NAPA: variants seen among roughly 807,000 people sequenced by gnomAD.
The protein encoded by NAPA is NSF attachment protein alpha.
A neutral mutation model predicts 48.0 loss-of-function variants in NAPA; 18 were observed. The observed-to-expected ratio is 0.38, with a 90% CI of 0.26 to 0.56. The LOEUF (loss-of-function observed/expected upper bound fraction) is 0.56, where lower values mean the gene tolerates loss of function less well. Among genes scored for constraint, NAPA ranks in the 20% least tolerant of loss-of-function variants. The pLI, the probability that NAPA is intolerant of heterozygous loss-of-function variation, is 0.77. For synonymous variants in NAPA, 152 were observed against 149.9 expected (o/e 1.01, Z -0.10); for missense variants, 315 against 385.0 (o/e 0.82, Z 1.52).
At chr19:47,490,644 G>A (rs1337420225) in intron 9 of NAPA, 144 bp downstream of exon 9, 3 of 168,576 alleles carry the variant, frequency 1.8e-5, no homozygotes, top group Non-Finnish European at 3.3e-5. Flanking sequence ...GACTCAAATG[G>A]CCAAACAAAA....
At chr19:47,514,821 G>T in intron 1 of NAPA, 22 bp downstream of exon 1, 1 of 1,607,756 alleles carries the variant, frequency 6.2e-7, no homozygotes, top group Non-Finnish European at 8.5e-7. Flanking sequence ...GGTCCCGGCC[G>T]ACCCCTCAGC....
chr19:47,495,517 C>T (rs2065724920), intron 4 of NAPA, 33 bp downstream of exon 4: 3 of 1,611,484 alleles, frequency 1.9e-6, no homozygotes, highest in Non-Finnish European at 2.5e-6. Flanking sequence ...GCAGTGGGAC[C>T]CGGGGGTGTC....
chr19:47,511,323 T>C (rs975992608), intron 1 of NAPA, among the ~76,000 whole-genome samples: 6 of 152,196 alleles, frequency 3.9e-5, no homozygotes, highest in Non-Finnish European at 8.8e-5. Context: ...GGCCTCTGGC[T>C]GTGCTCCCAG....
intron 9 of NAPA, among the ~76,000 whole-genome samples, chr19:47,490,114 GTGT>G (rs914041188): frequency 6.7e-5 from 10 of 148,980 alleles, no homozygotes; most frequent in South Asian, 4.3e-4. Flanking sequence ...GGCACGTGTG[GTGT>G]TTGGTGTGTG....
In NAPA at chr19:47,492,126, C is replaced by G; in HGVS notation, c.562-7G>C. 1 of 1,612,122 alleles carries G rather than the reference C, an allele frequency of 6.2e-7. No homozygotes were observed. Among genetic ancestry groups the G allele is most frequent in the South Asian group, 1.1e-5 (1 of 90,898 alleles). On this transcript the variant is annotated splice_region_variant and splice_polypyrimidine_tract_variant and intron_variant, in intron 7 of 10. Coordinates refer to ENST00000263354, the MANE Select transcript of NAPA (RefSeq NM_003827.4). ...CCATGGCATTGGTCCCCACCTGTAG[C>G]CATGGAGAAGTGGCACTGGTGAGCT...
chr19:47,499,722 G>T (rs1968524285), intron 3 of NAPA, among the ~76,000 whole-genome samples: 3 of 152,174 alleles, frequency 2.0e-5, no homozygotes, highest in Admixed American at 2.0e-4. Context: ...ACGACAAAGG[G>T]GTATGCCAGC....
intron 1 of NAPA, among the ~76,000 whole-genome samples, chr19:47,511,133 A>G (rs975667782): frequency 2.0e-5 from 3 of 152,232 alleles, no homozygotes; most frequent in African/African-American, 7.2e-5. Context: ...TGGGGTTCCC[A>G]AAGGGGAAGG....
chr19:47,490,078 GT>G (rs1968200139), intron 9 of NAPA, among the ~76,000 whole-genome samples: 4 of 150,504 alleles, frequency 2.7e-5, no homozygotes, highest in African/African-American at 9.8e-5. Flanking sequence ...TGTGTGTGGT[GT>G]GTGTGTTGGG....
intron 3 of NAPA, 86 bp from the exon 4 acceptor site, chr19:47,495,682 C>T: frequency 7.7e-7 from 1 of 1,306,470 alleles, no homozygotes; most frequent in Non-Finnish European, 1.1e-6. Context: ...CGCAGGCGCA[C>T]CTGGCTGCCA....
chr19:47,485,660 C>T (rs921602780), downstream of NAPA, among the ~76,000 whole-genome samples: 1 of 152,178 alleles, frequency 6.6e-6, no homozygotes, highest in African/African-American at 2.4e-5. Context: ...AAATCACAAA[C>T]TATGTGCTGA....
At chr19:47,499,804 T>C (rs1030770194) in intron 3 of NAPA, among the ~76,000 whole-genome samples, 1 of 152,262 alleles carries the variant, frequency 6.6e-6, no homozygotes, top group Non-Finnish European at 1.5e-5. Flanking sequence ...GCTGCAAACC[T>C]GTCTTCTCTT....
chr19:47,494,723 G>T (rs1429635730), intron 4 of NAPA, among the ~76,000 whole-genome samples: 1 of 102,160 alleles, frequency 9.8e-6, no homozygotes, highest in Non-Finnish European at 1.8e-5. Flanking sequence ...AGATGAGAGA[G>T]AAACTCTGTC....
intron 4 of NAPA, 37 bp downstream of exon 4, chr19:47,495,513 G>C (rs1323196333): frequency 6.2e-7 from 1 of 1,609,230 alleles, no homozygotes. Flanking sequence ...CAATGCAGTG[G>C]GACCCGGGGG....
intron 9 of NAPA, among the ~76,000 whole-genome samples, chr19:47,490,504 TGTG>T (rs374753797): frequency 5.5e-5 from 5 of 91,400 alleles, no homozygotes; most frequent in Admixed American, 1.4e-4. Flanking sequence ...ATGTGTGTGG[TGTG>T]GTGTGTGTAG....
chr19:47,507,926 C>T (rs567191854), intron 1 of NAPA, among the ~76,000 whole-genome samples: 2 of 152,272 alleles, frequency 1.3e-5, no homozygotes, highest in South Asian at 2.1e-4. Context: ...CCAGTCCTGC[C>T]CTTGCCTCTC....
downstream of NAPA, among the ~76,000 whole-genome samples, chr19:47,486,987 G>C (rs1035199364): frequency 2.6e-5 from 4 of 152,202 alleles, no homozygotes; most frequent in Non-Finnish European, 5.9e-5. Context: ...GCCTCCTTCA[G>C]CTGTCTCCTC....
At chr19:47,488,422 C>T (rs770054903) in intron 10 of NAPA, 33 bp from the exon 11 acceptor site, 31 of 1,567,022 alleles carry the variant, frequency 2.0e-5, no homozygotes, top group Non-Finnish European at 2.5e-5. Flanking sequence ...GCTGGCCATG[C>T]TCCCCCCGTT....
At chr19:47,488,490 C>A in intron 10 of NAPA, 101 bp from the exon 11 acceptor site, 2 of 874,308 alleles carry the variant, frequency 2.3e-6, no homozygotes, top group East Asian at 2.7e-5. Flanking sequence ...GTCTCTGTCA[C>A]CCCTGGTCTC....
At position 47,506,611 on chromosome 19, in the gene NAPA, G is replaced by T. The variant is rs1968698294; in HGVS notation, c.99-3109C>A. Among the ~76,000 whole-genome samples the T allele has an allele frequency of 6.6e-6, 1 of 152,234 alleles. No individual in the cohort carries two copies. The highest frequency in any genetic ancestry group is 2.4e-5 in the African/African-American group (1 of 41,460). The stretch of plus-strand genomic sequence containing the variant: ...CACGTCACTGAGTGGCCCACAGCGG[G>T]CAATCAACAATGAGCAGAGTCAGCC... On this transcript the variant is annotated intron_variant, in intron 1 of 10. Coordinates refer to ENST00000263354, the MANE Select transcript of NAPA (RefSeq NM_003827.4). The surrounding 1 kb of genome is among the most constrained non-coding windows in gnomAD (Gnocchi z 4.0).
Sources: gnomAD v4.1 joint callset for allele counts (sites outside exome capture counted in the v4.1 genomes callset) on GRCh38, gnomAD v4.1.1 for gene constraint, Gnocchi (gnomAD v3.1) non-coding constraint, MANE v1.5 for transcripts, NCBI Gene and HGNC (gene_info 2026-07-23, HGNC 2026-07-21) for gene names.